Variants in DDAH1 observed in about 807,000 individuals in gnomAD.
The protein encoded by DDAH1 is N(G),N(G)-dimethylarginine dimethylaminohydrolase 1.
DDAH1 carries 19 observed loss-of-function variants against 28.8 expected under a neutral mutation model. The ratio of observed to expected loss-of-function variants is 0.66; its 90% confidence interval spans 0.46 to 0.97. DDAH1 has a LOEUF of 0.97. DDAH1 is among the 50% of genes least tolerant of loss of function. The pLI is 0.00. For synonymous variants in DDAH1, 153 were observed against 154.4 expected, an observed-to-expected ratio of 0.99 and a Z score of 0.07; for missense variants, 326 against 375.9, an observed-to-expected ratio of 0.87 and a Z score of 1.10.
At chr1:85,379,294 C>T (rs1650853578) in intron 1 of DDAH1, among the ~76,000 whole-genome samples, 2 of 152,150 alleles carry the variant, frequency 1.3e-5, no homozygotes, top group South Asian at 4.1e-4. Context: ...GTGCTCTTTC[C>T]ATCACATCCA....
At chr1:85,428,027 G>A (rs1036823354) in intron 1 of DDAH1, among the ~76,000 whole-genome samples, 1 of 152,152 alleles carries the variant, frequency 6.6e-6, no homozygotes, top group Non-Finnish European at 1.5e-5. Flanking sequence ...GAAGGGAAGA[G>A]GAAGCTGTGG....
chr1:85,327,379 C>A (rs1338158638), intron 4 of DDAH1, among the ~76,000 whole-genome samples: 1 of 151,546 alleles, frequency 6.6e-6, no homozygotes, highest in African/African-American at 2.4e-5. Flanking sequence ...CTCACAATTA[C>A]TTCTTCAGCT....
At chr1:85,410,647 A>AAT (rs1358495128) in intron 1 of DDAH1, among the ~76,000 whole-genome samples, 1 of 152,136 alleles carries the variant, frequency 6.6e-6, no homozygotes, top group African/African-American at 2.4e-5. Context: ...CAAAAAAAAA[A>AAT]AAAAAATGGA....
chr1:85,538,179 T>C (rs1658351350), intron 1 of DDAH1, among the ~76,000 whole-genome samples: 1 of 152,232 alleles, frequency 6.6e-6, no homozygotes, highest in African/African-American at 2.4e-5. Context: ...TGCAAGTATA[T>C]AATGCATTCA....
chr1:85,325,346 C>CACGT (rs1029720947), intron 4 of DDAH1, among the ~76,000 whole-genome samples: 4 of 140,044 alleles, frequency 2.9e-5, no homozygotes, highest in African/African-American at 1.0e-4. Flanking sequence ...TGTGTGCATG[C>CACGT]ACGTGCGTGC....
At chr1:85,419,309 T>C (rs887296768) in intron 1 of DDAH1, among the ~76,000 whole-genome samples, 7 of 151,786 alleles carry the variant, frequency 4.6e-5, no homozygotes, top group Non-Finnish European at 1.0e-4. Flanking sequence ...GAGGCCGAGG[T>C]GGGCAGATCA....
intron 5 of DDAH1, among the ~76,000 whole-genome samples, chr1:85,324,221 G>A (rs1661476282): frequency 1.3e-5 from 2 of 151,050 alleles, no homozygotes; most frequent in South Asian, 4.2e-4. Context: ...AGTGAGCCAA[G>A]ATCGTGCCGC....
chr1:85,465,989 A>G (rs376736782), upstream of DDAH1, among the ~76,000 whole-genome samples: 19 of 152,332 alleles, frequency 1.2e-4, no homozygotes, highest in Admixed American at 5.9e-4. Context: ...CTGGGCCTCT[A>G]TGAACACTGC....
In DDAH1 at chr1:85,321,544, T is replaced by C. The variant is rs752439529; in HGVS notation, c.766A>G (p.Met256Val). The C allele has an allele frequency of 6.2e-7, 1 of 1,613,908 alleles. No homozygotes were observed. The highest frequency in any genetic ancestry group is 2.2e-5 in the East Asian group (1 of 44,888). ...TCAGACATGCTCACGGGGATCAGCA[T>C]ATGGTCCTTCAGTTTCTCATAAACC... ...AKVYEKLKDH[M>V]LIPVSMSELE... Residue 256 changes from methionine to valine, a missense_variant, in exon 6 of 6, where the codon ATG becomes GTG. Transcript: ENST00000284031.
rs79324294 is a variant in DDAH1 at position 85,336,312 on chromosome 1, T to C, written c.598-11429A>G. ...GGCCCCAAACAAGTATCAACAAATA[T>C]TAAAAAATCAAAATCATGACAATTC... is the stretch of plus-strand genomic sequence containing the variant. On this transcript the variant is annotated intron_variant, in intron 4 of 5. Coordinates refer to ENST00000284031, the MANE Select transcript of DDAH1 (RefSeq NM_012137.4). Among the ~76,000 whole-genome samples the C allele has an allele frequency of 8.1e-4, 123 of 152,184 alleles. 2 individuals are homozygous for C. The East Asian group carries it at 0.02, about 25-fold the overall frequency.
intron 1 of DDAH1, among the ~76,000 whole-genome samples, chr1:85,439,374 C>A (rs535744623): frequency 6.6e-6 from 1 of 152,350 alleles, no homozygotes; most frequent in East Asian, 1.9e-4. Context: ...GAGTAACATG[C>A]GAGTAAATGT....
intron 1 of DDAH1, among the ~76,000 whole-genome samples, chr1:85,405,723 T>C (rs1238834938): frequency 2.0e-5 from 3 of 151,992 alleles, no homozygotes; most frequent in African/African-American, 7.2e-5. Flanking sequence ...GAATCCTCTA[T>C]GAAAAAGAGA....
intron 1 of DDAH1, among the ~76,000 whole-genome samples, chr1:85,377,076 A>G (rs1347525707): frequency 6.6e-6 from 1 of 152,182 alleles, no homozygotes; most frequent in Non-Finnish European, 1.5e-5. Context: ...AGTTCACAGA[A>G]TCATGAAATG....
At chr1:85,559,393 A>G (rs1243701816) in intron 1 of DDAH1, among the ~76,000 whole-genome samples, 2 of 152,220 alleles carry the variant, frequency 1.3e-5, no homozygotes, top group African/African-American at 4.8e-5. Flanking sequence ...TACTATTTAA[A>G]GAATGACAAC....
chr1:85,465,270 G>A (rs1474189395), upstream of DDAH1: 5 of 1,037,690 alleles, frequency 4.8e-6, no homozygotes, highest in Non-Finnish European at 5.9e-6. Context: ...CGGCGCTCGC[G>A]GGTCTCGCGC....
At chr1:85,541,192 T>C (rs957736393) in intron 1 of DDAH1, among the ~76,000 whole-genome samples, 1 of 152,210 alleles carries the variant, frequency 6.6e-6, no homozygotes, top group Non-Finnish European at 1.5e-5. Context: ...TCACAACTGA[T>C]GGGCCTGCAT....
intron 1 of DDAH1, among the ~76,000 whole-genome samples, chr1:85,505,364 A>C (rs947011718): frequency 6.6e-6 from 1 of 152,188 alleles, no homozygotes; most frequent in Non-Finnish European, 1.5e-5. Context: ...GGAGAATATA[A>C]TACAGAGGAA....
intron 1 of DDAH1, among the ~76,000 whole-genome samples, chr1:85,560,413 G>A (rs759572250): frequency 2.0e-5 from 3 of 152,026 alleles, no homozygotes. Context: ...AAACATGTGA[G>A]TAAATATGAA....
intron 1 of DDAH1, among the ~76,000 whole-genome samples, chr1:85,414,433 G>A (rs777044317): frequency 2.6e-5 from 4 of 151,706 alleles, no homozygotes; most frequent in Non-Finnish European, 5.9e-5. Context: ...ATCTGACCAC[G>A]TTAAAATTAA....
Sources: gnomAD v4.1 joint callset for allele counts (sites outside exome capture counted in the v4.1 genomes callset) on GRCh38, gnomAD v4.1.1 for gene constraint, MANE v1.5 for transcripts, NCBI Gene and HGNC (gene_info 2026-07-23, HGNC 2026-07-21) for gene names.